The following EYA4 variants were observed in gnomAD, a reference collection of about 807,000 sequenced individuals.
EYA4 encodes EYA transcriptional coactivator and phosphatase 4.
EYA4 carries 31 observed loss-of-function variants against 87.9 expected under a neutral mutation model. The ratio of observed to expected loss-of-function variants is 0.35; its 90% CI spans 0.27 to 0.48. The LOEUF (loss-of-function observed/expected upper bound fraction) is 0.48, where lower values mean the gene tolerates loss of function less well. Ranked by LOEUF, EYA4 falls within the 20% of genes least tolerant of loss-of-function variation. EYA4 has a pLI of 0.99. For missense variants in EYA4, 678 were observed against 761.4 expected, an observed-to-expected ratio of 0.89 and a Z score of 1.29; for synonymous variants, 263 against 270.6, an observed-to-expected ratio of 0.97 and a Z score of 0.28.
intron 1 of EYA4, among the ~76,000 whole-genome samples, chr6:133,260,038 C>T (rs1775668759): frequency 6.6e-6 from 1 of 152,094 alleles, no homozygotes; most frequent in African/African-American, 2.4e-5. Context: ...TTTTTAAAAA[C>T]ATTTTTATGG....
intron 2 of EYA4, among the ~76,000 whole-genome samples, chr6:133,284,707 C>T (rs547636268): frequency 3.3e-5 from 5 of 152,196 alleles, no homozygotes; most frequent in African/African-American, 9.6e-5. Flanking sequence ...TCTTTTAAAA[C>T]GAGACTTGGA....
chr6:133,454,042 G>A (rs1273730733), intron 5 of EYA4, among the ~76,000 whole-genome samples: 1 of 152,076 alleles, frequency 6.6e-6, no homozygotes, highest in African/African-American at 2.4e-5. Flanking sequence ...CTAAGCTTTT[G>A]AAATTGGGTC....
intron 2 of EYA4, among the ~76,000 whole-genome samples, chr6:133,292,496 G>A (rs1778567377): frequency 6.6e-6 from 1 of 152,170 alleles, no homozygotes; most frequent in Non-Finnish European, 1.5e-5. Context: ...GGATATGGGT[G>A]TTTATTACAT....
At chr6:133,456,488 G>C (rs1793913967) in intron 5 of EYA4, 68 bp from the exon 6 acceptor site, 5 of 1,073,456 alleles carry the variant, frequency 4.7e-6, no homozygotes, top group Non-Finnish European at 7.3e-6. Flanking sequence ...AATATCACTA[G>C]TAGAACGGAC....
intron 1 of EYA4, 125 bp from the exon 2 acceptor site, chr6:133,274,591 T>C: frequency 1.7e-6 from 1 of 605,656 alleles, no homozygotes; most frequent in Non-Finnish European, 2.9e-6. Flanking sequence ...TTAGTGGATT[T>C]TCTTCTTGAG....
intron 13 of EYA4, among the ~76,000 whole-genome samples, chr6:133,484,756 T>A (rs1027600729): frequency 6.6e-6 from 1 of 152,216 alleles, no homozygotes; most frequent in Non-Finnish European, 1.5e-5. Flanking sequence ...GTGTTTAAAA[T>A]AAACAATCTA....
chr6:133,429,632 C>G (rs1791003461), intron 3 of EYA4, among the ~76,000 whole-genome samples: 1 of 152,086 alleles, frequency 6.6e-6, no homozygotes. Flanking sequence ...TAATGAGAAT[C>G]AGGGGTTTCT....
At chr6:133,518,084 G>A (rs1799759224) in intron 17 of EYA4, among the ~76,000 whole-genome samples, 2 of 152,112 alleles carry the variant, frequency 1.3e-5, no homozygotes, top group Admixed American at 1.3e-4. Context: ...CAGGGACGCT[G>A]GAGCACGAGG....
intron 3 of EYA4, among the ~76,000 whole-genome samples, chr6:133,383,517 CAAAAA>C (rs768724484): frequency 1.6e-3 from 72 of 45,226 alleles, no homozygotes; most frequent in African/African-American, 5.6e-3. Context: ...GACTCCATCT[CAAAAA>C]AAAAAAAAAA....
At chr6:133,262,414 A>G (rs954633581) in intron 1 of EYA4, among the ~76,000 whole-genome samples, 2 of 152,228 alleles carry the variant, frequency 1.3e-5, no homozygotes, top group Non-Finnish European at 2.9e-5. Context: ...CAAGAGAAGG[A>G]AAGTTGGTCT....
chr6:133,479,618 A>C (rs1475853951), intron 11 of EYA4, among the ~76,000 whole-genome samples: 1 of 152,136 alleles, frequency 6.6e-6, no homozygotes, highest in Non-Finnish European at 1.5e-5. Flanking sequence ...TAGCCATAAT[A>C]TCTTTTTGTT....
At chr6:133,246,568 G>A (rs1774425268) in intron 1 of EYA4, among the ~76,000 whole-genome samples, 1 of 151,744 alleles carries the variant, frequency 6.6e-6, no homozygotes, top group East Asian at 1.9e-4. Context: ...AATAGCTTTT[G>A]TATCACCAAG....
intron 1 of EYA4, among the ~76,000 whole-genome samples, chr6:133,259,491 C>G (rs988297307): frequency 6.6e-6 from 1 of 152,144 alleles, no homozygotes; most frequent in African/African-American, 2.4e-5. Flanking sequence ...AATTCAGTTA[C>G]AGAGTCAGTG....
intron 11 of EYA4, among the ~76,000 whole-genome samples, chr6:133,478,248 G>A (rs1259042785): frequency 6.6e-6 from 1 of 152,066 alleles, no homozygotes; most frequent in Non-Finnish European, 1.5e-5. Flanking sequence ...AAAAGTCAGT[G>A]TCTGTTAAAG....
At position 133,468,626 on chromosome 6, in the gene EYA4, A is replaced by G; in HGVS notation, c.865A>G (p.Thr289Ala). 2 of 1,612,818 alleles carry G rather than the reference A, an allele frequency of 1.2e-6. No homozygotes were observed. The highest frequency in any genetic ancestry group is 1.7e-6 in the Non-Finnish European group (2 of 1,179,064). ...GTATGCACAGTATTATTCAGCATCA[A>G]CGTATGGAGCGTATATGACATCGAA... The part of the protein sequence containing the change: ...NQYAQYYSAS[T>A]YGAYMTSNNT... Residue 289 changes from threonine (T) to alanine (A), a missense_variant, in exon 11 of 20, where the codon ACG becomes GCG. Coordinates refer to ENST00000355286, the MANE Select transcript of EYA4 (RefSeq NM_004100.5).
chr6:133,462,355 C>G lies in EYA4; in HGVS notation c.458C>G (p.Ser153Cys), dbSNP rs1554261941. Residue 153 changes from serine (S) to cysteine (C), a missense_variant, in exon 8 of 20, where the codon TCT becomes TGT. Transcript: ENST00000355286. ...TTTAGGCCCTATCCACACATTCTTT[C>G]TACACCAGCAGCTCAAACAATGTCT... The part of the protein sequence containing the change: ...YPSKPYPHIL[S>C]TPAAQTMSAY... The G allele has an allele frequency of 2.4e-5, 38 of 1,614,060 alleles. No individual in the cohort carries two copies. The highest frequency in any genetic ancestry group is 3.1e-5 in the Non-Finnish European group (37 of 1,179,926).
At chr6:133,447,304 C>T (rs190269999) in intron 4 of EYA4, among the ~76,000 whole-genome samples, 4 of 152,198 alleles carry the variant, frequency 2.6e-5, no homozygotes, top group Non-Finnish European at 5.9e-5. Flanking sequence ...GATAATTTCT[C>T]ATTCTATTAG....
chr6:133,361,094 A>G (rs944913557), intron 2 of EYA4, among the ~76,000 whole-genome samples: 1 of 152,178 alleles, frequency 6.6e-6, no homozygotes, highest in Non-Finnish European at 1.5e-5. Flanking sequence ...TCACTGGCCT[A>G]CTTATCACAA....
At chr6:133,417,781 A>G (rs1469952864) in intron 3 of EYA4, among the ~76,000 whole-genome samples, 1 of 152,214 alleles carries the variant, frequency 6.6e-6, no homozygotes, top group Non-Finnish European at 1.5e-5. Flanking sequence ...ATAAGGCTCA[A>G]AGGGTTTAAA....
Sources: allele counts gnomAD v4.1 joint callset (sites outside exome capture counted in the v4.1 genomes callset), GRCh38; gene constraint gnomAD v4.1.1; transcripts MANE v1.5; gene names NCBI Gene and HGNC (gene_info 2026-07-23, HGNC 2026-07-21).